Variants in EPHA3 observed in about 807,000 individuals in gnomAD.
EPHA3 encodes EPH receptor A3, also known as ephrin type-A receptor 3.
In EPHA3, 42 loss-of-function variants were observed where a neutral mutation model predicts 107.1. The observed-to-expected ratio is 0.39, with a 90% confidence interval of 0.31 to 0.51. The LOEUF (loss-of-function observed/expected upper bound fraction) is 0.51, where lower values mean the gene tolerates loss of function less well. EPHA3 is among the 20% of genes least tolerant of loss of function. The pLI is 0.78. For missense variants in EPHA3, 1,183 were observed against 1,211.2 expected (o/e 0.98, Z 0.35); for synonymous variants, 461 against 424.8 (o/e 1.09, Z -1.05).
intron 3 of EPHA3, among the ~76,000 whole-genome samples, chr3:89,251,789 G>T (rs1403793840): frequency 6.6e-6 from 1 of 151,762 alleles, no homozygotes; most frequent in Non-Finnish European, 1.5e-5. Context: ...CCAAGAAATT[G>T]TGTGTAGAAA....
At chr3:89,343,304 C>G (rs1038991748) in intron 5 of EPHA3, among the ~76,000 whole-genome samples, 1 of 152,196 alleles carries the variant, frequency 6.6e-6, no homozygotes, top group African/African-American at 2.4e-5. Flanking sequence ...AAGTATGCAT[C>G]AATATGACTC....
chr3:89,280,400 G>T (rs1000303096), intron 3 of EPHA3, among the ~76,000 whole-genome samples: 2 of 152,072 alleles, frequency 1.3e-5, no homozygotes, highest in Non-Finnish European at 2.9e-5. Context: ...GTAAAAAAAT[G>T]GGGTTGGGGT....
At chr3:89,399,823 C>T (rs1708922790) in intron 7 of EPHA3, 25 of 1,094,436 alleles carry the variant, frequency 2.3e-5, no homozygotes, top group Non-Finnish European at 2.8e-5. Flanking sequence ...AGGTTCATTG[C>T]GTGATTCAAT....
chr3:89,477,964 A>G (rs1236673296), intron 16 of EPHA3, among the ~76,000 whole-genome samples: 1 of 152,158 alleles, frequency 6.6e-6, no homozygotes, highest in East Asian at 1.9e-4. Flanking sequence ...GAAACAAGAA[A>G]AGAAAACAGA....
chr3:89,221,718 A>C (rs1468502783), intron 3 of EPHA3, among the ~76,000 whole-genome samples: 1 of 152,178 alleles, frequency 6.6e-6, no homozygotes, highest in African/African-American at 2.4e-5. Flanking sequence ...CAGGTCTAAG[A>C]AAATTTACTA....
At chr3:89,431,086 C>A in intron 12 of EPHA3, 64 bp from the exon 13 acceptor site, 4 of 1,492,558 alleles carry the variant, frequency 2.7e-6, no homozygotes, top group East Asian at 2.3e-5. Context: ...AGATTTTAAC[C>A]AATAAAGATA....
At chr3:89,170,373 T>C (rs959472596) in intron 2 of EPHA3, among the ~76,000 whole-genome samples, 1 of 152,212 alleles carries the variant, frequency 6.6e-6, no homozygotes, top group African/African-American at 2.4e-5. Context: ...GCTTTTATTT[T>C]ATTTTCCTCA....
intron 1 of EPHA3, among the ~76,000 whole-genome samples, chr3:89,111,251 TAATC>T (rs1226999253): frequency 6.6e-6 from 1 of 152,036 alleles, no homozygotes; most frequent in Non-Finnish European, 1.5e-5. Flanking sequence ...AGAAAATAAA[TAATC>T]AATTTTTTCA....
intron 5 of EPHA3, among the ~76,000 whole-genome samples, chr3:89,363,165 A>C (rs1708126365): frequency 6.6e-6 from 1 of 150,962 alleles, no homozygotes; most frequent in Non-Finnish European, 1.5e-5. Flanking sequence ...AGCAGAACCA[A>C]TAGACTGTGT....
intron 13 of EPHA3, among the ~76,000 whole-genome samples, chr3:89,434,223 T>C (rs1262718698): frequency 1.3e-5 from 2 of 152,140 alleles, no homozygotes; most frequent in African/African-American, 4.8e-5. Context: ...TATTTATTTA[T>C]TTATTAATTT....
intron 5 of EPHA3, among the ~76,000 whole-genome samples, chr3:89,351,938 A>G (rs1477945484): frequency 6.6e-6 from 1 of 150,830 alleles, no homozygotes. Context: ...AAAAAAAAAA[A>G]AAAGTGGAGA....
At chr3:89,468,201 A>C (rs1710327532) in intron 15 of EPHA3, among the ~76,000 whole-genome samples, 1 of 152,172 alleles carries the variant, frequency 6.6e-6, no homozygotes, top group Admixed American at 6.5e-5. Context: ...GAAGTGGAAA[A>C]ATGATACTTT....
chr3:89,185,602 T>C (rs372227272), intron 2 of EPHA3, among the ~76,000 whole-genome samples: 83 of 152,186 alleles, frequency 5.5e-4, no homozygotes, highest in African/African-American at 1.6e-3. Flanking sequence ...GGGCTTAAAC[T>C]TGGCAAAAAT....
intron 2 of EPHA3, among the ~76,000 whole-genome samples, chr3:89,166,276 A>T (rs747408412): frequency 6.6e-6 from 1 of 152,150 alleles, no homozygotes; most frequent in Non-Finnish European, 1.5e-5. Flanking sequence ...GTAGTTGTTC[A>T]GCTTTTTAAA....
intron 3 of EPHA3, among the ~76,000 whole-genome samples, chr3:89,308,359 G>C (rs908373744): frequency 4.6e-5 from 7 of 152,066 alleles, no homozygotes; most frequent in Non-Finnish European, 8.8e-5. Context: ...GTTTGAGAAG[G>C]GTTAGCAAGG....
chr3:89,206,016 T>C (rs1486762759), intron 2 of EPHA3, among the ~76,000 whole-genome samples: 2 of 152,154 alleles, frequency 1.3e-5, no homozygotes, highest in African/African-American at 2.4e-5. Flanking sequence ...TGAGAAAATA[T>C]TCATTTAAGA....
At position 89,188,297 on chromosome 3, in the gene EPHA3, G is replaced by A. The variant is rs185109943; in HGVS notation, c.154-21563G>A. ...GTGAATGACACCCATGTTGCCAAAC[G>A]CTGTGGCTCAGTCGTCAACCGTCAC... On this transcript the variant is annotated intron_variant, in intron 2 of 16. Coordinates refer to ENST00000336596, the MANE Select transcript of EPHA3 (RefSeq NM_005233.6). Among the ~76,000 whole-genome samples, 81 of 152,226 alleles carry A rather than the reference G, an allele frequency of 5.3e-4. 1 individual carries two copies. Among genetic ancestry groups the A allele is most frequent in the Non-Finnish European group, 9.0e-4 (61 of 67,998 alleles).
At chr3:89,113,578 G>T (rs1019428353) in intron 1 of EPHA3, among the ~76,000 whole-genome samples, 2 of 139,194 alleles carry the variant, frequency 1.4e-5, no homozygotes, top group African/African-American at 2.6e-5. Flanking sequence ...AAAAAAAGTT[G>T]ATTAGAAAAC....
intron 3 of EPHA3, among the ~76,000 whole-genome samples, chr3:89,336,552 C>T (rs546231048): frequency 6.6e-6 from 1 of 152,246 alleles, no homozygotes; most frequent in African/African-American, 2.4e-5. Context: ...TAATTTTATA[C>T]ATTCTCCACT....
Sources: gnomAD v4.1 joint callset for allele counts (sites outside exome capture counted in the v4.1 genomes callset) on GRCh38, gnomAD v4.1.1 for gene constraint, MANE v1.5 for transcripts, NCBI Gene and HGNC (gene_info 2026-07-23, HGNC 2026-07-21) for gene names.